NFS1: variants seen among roughly 807,000 people sequenced by gnomAD.
NFS1 encodes the protein cysteine desulfurase.
A neutral mutation model predicts 57.3 loss-of-function variants in NFS1; 26 were observed. That is an observed-to-expected ratio of 0.45 (90% CI 0.33 to 0.63). NFS1 has a LOEUF of 0.63. Among genes scored for constraint, NFS1 ranks in the 20% least tolerant of loss-of-function variants. The pLI, the probability that NFS1 is intolerant of heterozygous loss-of-function variation, is 0.02. For synonymous variants in NFS1, 209 were observed against 216.3 expected (o/e 0.97, Z 0.30); for missense variants, 505 against 605.8 (o/e 0.83, Z 1.75).
chr20:35,682,053 T>A, intron 5 of NFS1, 72 bp from the exon 6 acceptor site: 1 of 833,188 alleles, frequency 1.2e-6, no homozygotes, highest in East Asian at 2.6e-5. Context: ...ATAGGCAAAC[T>A]TAGTCATGAA....
At chr20:35,672,940 G>T in intron 11 of NFS1, 96 bp from the exon 12 acceptor site, 1 of 709,704 alleles carries the variant, frequency 1.4e-6, no homozygotes. Flanking sequence ...CGACACAAAA[G>T]ATATGGAGAG....
In NFS1 at chr20:35,675,141, T is replaced by C; in HGVS notation, c.852A>G (p.Gly284=). The part of the protein sequence containing the change: ...PRVRVEALQS[G]GGQERGMRSG... ...ACCGCATACCCCGCTCCTGCCCCCC[T>C]CCACTCTGCAGGGCCTCCACACGCA... Residue 284 remains glycine, a synonymous_variant, in exon 8 of 13, where the codon GGA becomes GGG. Coordinates refer to ENST00000374092, the MANE Select transcript of NFS1 (RefSeq NM_021100.5). The C allele has an allele frequency of 6.2e-7, 1 of 1,613,710 alleles. No homozygotes were observed. Among genetic ancestry groups the C allele is most frequent in the Non-Finnish European group, 8.5e-7 (1 of 1,179,958 alleles).
In NFS1 at chr20:35,696,376, C is replaced by T; in HGVS notation, c.408+1G>A. ...TACACCCTCTGGTTCCCTTCTCTTA[C>T]CTTAATTGCTATGTTGTTGGATTCA... On this transcript the variant is annotated splice_donor_variant, in intron 4 of 12. Coordinates refer to ENST00000374092, the MANE Select transcript of NFS1 (RefSeq NM_021100.5). LOFTEE classifies it high-confidence loss of function. 1.2e-6 allele frequency: 2 copies of T among 1,609,506 alleles called. No individual in the cohort carries two copies. The highest frequency in any genetic ancestry group is 1.7e-6 in the Non-Finnish European group (2 of 1,175,822).
intron 3 of NFS1, 57 bp from the exon 4 acceptor site, chr20:35,696,517 G>T (rs2035136462): frequency 2.2e-6 from 3 of 1,354,698 alleles, no homozygotes; most frequent in Non-Finnish European, 2.1e-6. Context: ...AAATAGAGCT[G>T]CAGACACAGG....
rs2034602964 is a variant in NFS1, at chr20:35,668,505, C to T, written c.*1117G>A. The T allele has an allele frequency of 1.3e-5, 2 of 152,198 alleles. No homozygotes were observed. The highest frequency in any genetic ancestry group is 4.8e-5 in the African/African-American group (2 of 41,454). 9.4% of individuals were successfully genotyped at this position (152,198 alleles called of 1,614,324 possible). On this transcript the variant is annotated 3_prime_UTR_variant, in exon 13 of 13. Transcript: ENST00000374092. ...TTCTCTTGGTTTCTAAAGTATAATA[C>T]TTTGTGCTTTATCACACTTCAGGCC... is the stretch of plus-strand genomic sequence containing the variant.
chr20:35,696,629 C>T (rs916744722), intron 3 of NFS1, among the ~76,000 whole-genome samples, 169 bp from the exon 4 acceptor site: 2 of 152,100 alleles, frequency 1.3e-5, no homozygotes, highest in African/African-American at 2.4e-5. Flanking sequence ...TATCCCAGAT[C>T]CCAGGCTCTT....
Position 35,696,466 on chromosome 20 carries a change from A to T in NFS1, c.325-6T>A. The stretch of plus-strand genomic sequence containing the variant: ...CCAATCAGAGATGCTACTTGCTGCA[A>T]GCCAAGAAACAGAGATATATAACAT... On this transcript the variant is annotated splice_polypyrimidine_tract_variant and splice_region_variant and intron_variant, in intron 3 of 12. Transcript: ENST00000374092. The T allele has an allele frequency of 6.2e-7, 1 of 1,612,176 alleles. No individual in the cohort carries two copies. Among genetic ancestry groups the T allele is most frequent in the Non-Finnish European group, 8.5e-7 (1 of 1,178,278 alleles).
At chr20:35,675,982 C>T (rs2146414858) in intron 7 of NFS1, 1 of 151,648 alleles carries the variant, frequency 6.6e-6, no homozygotes, top group East Asian at 1.9e-4. Context: ...TGTACTTTAG[C>T]TTGAAAAAAC....
chr20:35,683,509 G>C (rs369659726), intron 5 of NFS1, among the ~76,000 whole-genome samples: 2 of 150,256 alleles, frequency 1.3e-5, no homozygotes, highest in Non-Finnish European at 3.0e-5. Context: ...GGCCAGGCAC[G>C]GTGGCTCACA....
At chr20:35,684,324 C>T (rs949734614) in intron 5 of NFS1, among the ~76,000 whole-genome samples, 5 of 151,540 alleles carry the variant, frequency 3.3e-5, no homozygotes, top group East Asian at 3.9e-4. Context: ...AGGAGAATGG[C>T]GTGAACCTGG....
At chr20:35,687,259 C>T (rs1205943394) in intron 5 of NFS1, among the ~76,000 whole-genome samples, 2 of 152,194 alleles carry the variant, frequency 1.3e-5, no homozygotes, top group South Asian at 2.1e-4. Flanking sequence ...AACCGTCTCC[C>T]TGTGATGCTG....
intron 7 of NFS1, among the ~76,000 whole-genome samples, chr20:35,676,610 G>GA (rs1364033810): frequency 1.3e-5 from 2 of 151,556 alleles, no homozygotes. Context: ...ACCATTAGGT[G>GA]AAAAATGAAA....
At chr20:35,677,746 T>C (rs866307477) in intron 7 of NFS1, among the ~76,000 whole-genome samples, 1 of 152,218 alleles carries the variant, frequency 6.6e-6, no homozygotes, top group Middle Eastern at 3.4e-3. Context: ...AAGGCAGTGG[T>C]TTCCAAATCG....
At chr20:35,685,902 C>T (rs2034932984) in intron 5 of NFS1, among the ~76,000 whole-genome samples, 1 of 149,328 alleles carries the variant, frequency 6.7e-6, no homozygotes, top group Admixed American at 6.7e-5. Context: ...GGTAAAACTC[C>T]ATGACCTTGG....
intron 4 of NFS1, among the ~76,000 whole-genome samples, chr20:35,695,491 A>G (rs1338676224): frequency 6.6e-6 from 1 of 152,222 alleles, no homozygotes; most frequent in African/African-American, 2.4e-5. Context: ...TGAAACACCA[A>G]CGTGACTACT....
At chr20:35,697,005 C>T (rs1286635567) in intron 3 of NFS1, among the ~76,000 whole-genome samples, 1 of 152,178 alleles carries the variant, frequency 6.6e-6, no homozygotes, top group Non-Finnish European at 1.5e-5. Context: ...ACTTGGGAGG[C>T]TGAGGTAGGA....
chr20:35,674,669 A>G (rs529849832), intron 8 of NFS1, 52 bp from the exon 9 acceptor site: 1 of 1,374,254 alleles, frequency 7.3e-7, no homozygotes, highest in African/African-American at 1.4e-5. Flanking sequence ...CAGCTCAGAA[A>G]GACAGTTTGA....
chr20:35,679,695 C>T (rs954403470), intron 7 of NFS1, among the ~76,000 whole-genome samples: 17 of 152,148 alleles, frequency 1.1e-4, no homozygotes, highest in African/African-American at 2.9e-4. Flanking sequence ...CCTTAGAAGA[C>T]GCCATCTTCC....
At chr20:35,693,773 C>T (rs1157395846) in intron 4 of NFS1, among the ~76,000 whole-genome samples, 2 of 152,044 alleles carry the variant, frequency 1.3e-5, no homozygotes, top group Admixed American at 1.3e-4. Flanking sequence ...ACCATCTTGG[C>T]TAACATGGTG....
Sources: gnomAD v4.1 joint callset for allele counts (sites outside exome capture counted in the v4.1 genomes callset) on GRCh38, gnomAD v4.1.1 for gene constraint, MANE v1.5 for transcripts, NCBI Gene and HGNC (gene_info 2026-07-23, HGNC 2026-07-21) for gene names.